Variants in TNS1 observed in about 807,000 individuals in gnomAD.
TNS1 encodes the protein tensin 1.
A neutral mutation model predicts 168.6 loss-of-function variants in TNS1; 62 were observed. The ratio of observed to expected loss-of-function variants is 0.37; its 90% CI spans 0.30 to 0.45. The LOEUF (loss-of-function observed/expected upper bound fraction) is 0.45. TNS1 is among the 20% of genes least tolerant of loss of function. TNS1 has a pLI of 1.00. For missense variants in TNS1, 2,240 were observed against 2,339.4 expected (o/e 0.96, Z 0.88); for synonymous variants, 934 against 933.2 (o/e 1.00, Z -0.02).
chr2:217,979,090 C>A (rs1207862478), intron 2 of TNS1, among the ~76,000 whole-genome samples: 1 of 152,042 alleles, frequency 6.6e-6, no homozygotes, highest in African/African-American at 2.4e-5. Context: ...AGGGGGGGGT[C>A]CCCCACTGGA....
intron 19 of TNS1, among the ~76,000 whole-genome samples, chr2:217,837,820 G>A (rs1190998349): frequency 1.3e-5 from 2 of 152,200 alleles, no homozygotes; most frequent in African/African-American, 2.4e-5. Flanking sequence ...ACCCAGCCAG[G>A]GGCTGCCAGG....
At chr2:217,983,402 C>T (rs556088271) in intron 2 of TNS1, among the ~76,000 whole-genome samples, 80 of 152,318 alleles carry the variant, frequency 5.3e-4, no homozygotes, top group African/African-American at 1.9e-3. Flanking sequence ...AGCCCTATCT[C>T]TGCCCACGAT....
Position 217,990,945 on chromosome 2 carries a change from T to C in TNS1, c.145A>G (p.Lys49Glu). The C allele has an allele frequency of 1.5e-6, 1 of 668,288 alleles. No homozygotes were observed. The highest frequency in any genetic ancestry group is 2.8e-6 in the Non-Finnish European group (1 of 362,130). 41.4% of individuals were successfully genotyped at this position (668,288 alleles called of 1,614,324 possible). ...CACAGCCCAGACCGCTGCTCACCTT[T>C]GCAGGTGCAGCCTTCCTGGGTGATG... ...QVITQEGCTC[K>E]VCSFSCHRKC... is the part of the protein sequence containing the mutation. The change falls in exon 2 of 33, where the codon AAA becomes GAA. Residue 49 changes from lysine to glutamate, a missense_variant. Lys to Glu is a moderately conservative substitution (Grantham distance 56). Coordinates refer to ENST00000682258, the MANE Select transcript of TNS1 (RefSeq NM_001387777.1).
chr2:217,885,117 G>A lies in TNS1; in HGVS notation c.1164C>T (p.Ile388=). Residue 388 remains isoleucine (I), a synonymous_variant, in exon 16 of 33, where the codon ATC becomes ATT. Coordinates refer to ENST00000682258, the MANE Select transcript of TNS1 (RefSeq NM_001387777.1). The part of the protein sequence containing the change: ...KKFRSPARDV[I]FRVQFHTCAI... ...CACAGGTGTGGAACTGCACACGGAA[G>A]ATGACGTCTCGGGCTGGGCTTCGGA... 1 of 1,614,246 alleles carries A rather than the reference G, an allele frequency of 6.2e-7. No individual in the cohort carries two copies. Among genetic ancestry groups the A allele is most frequent in the South Asian group, 1.1e-5 (1 of 91,086 alleles).
At position 217,847,897 on chromosome 2, in the gene TNS1, G is replaced by A. The variant is rs759990832; in HGVS notation, c.2620C>T (p.Leu874Phe). Residue 874 changes from leucine to phenylalanine, a missense_variant, in exon 19 of 33, where the codon CTC (leucine) becomes TTC (phenylalanine). Physicochemically the swap from Leu to Phe is conservative, Grantham distance 22. This residue lies in a region of TNS1 where 2,131 missense variants were observed against 2,171.2 expected (regional missense o/e 0.98). Transcript: ENST00000682258. ...TGGGACTGACGGGAGGATCCAGAGA[G>A]GGGCTGGGAGGAGAGTGGAGAAGCC... is the stretch of plus-strand genomic sequence containing the variant. ...PGASPLSSQP[L>F]SGSSRQSHPL... 5.2e-6 allele frequency: 8 copies of A among 1,543,942 alleles called. No individual in the cohort carries two copies. The highest frequency in any genetic ancestry group is 1.2e-5 in the South Asian group (1 of 80,382).
chr2:217,818,504 G>A lies in TNS1; in HGVS notation c.3828C>T (p.His1276=). The A allele has an allele frequency of 1.9e-6, 3 of 1,614,250 alleles. No individual in the cohort carries two copies. In the South Asian group the frequency reaches 3.3e-5, roughly 18 times the overall value. Reference sequence around the variant, plus strand: ...GCGCCTGAGGGCTCCCAGGCACCGTGTGGACGCCAGCCACACTGAACTGAG... The same window carrying A: ...GCGCCTGAGGGCTCCCAGGCACCGTATGGACGCCAGCCACACTGAACTGAG... ...ARAQFSVAGV[H]TVPGSPQARH... Residue 1276 remains histidine (H), a synonymous_variant, in exon 24 of 33, where the codon CAC becomes CAT. Transcript: ENST00000682258.
intron 2 of TNS1, among the ~76,000 whole-genome samples, chr2:217,988,859 G>A (rs550920333): frequency 6.6e-6 from 1 of 152,284 alleles, no homozygotes; most frequent in Non-Finnish European, 1.5e-5. Flanking sequence ...TCTGTAAAAC[G>A]GGGATGACAC....
intron 3 of TNS1, among the ~76,000 whole-genome samples, chr2:217,978,549 C>G (rs1356185735): frequency 6.6e-6 from 1 of 151,546 alleles, no homozygotes; most frequent in Admixed American, 6.6e-5. Context: ...ACCCAGATCC[C>G]CCGATTCCCC....
chr2:217,914,650 C>T (rs1430287048), intron 4 of TNS1, among the ~76,000 whole-genome samples: 1 of 152,112 alleles, frequency 6.6e-6, no homozygotes, highest in Non-Finnish European at 1.5e-5. Context: ...CACGCCCAGC[C>T]AATTTTTGTA....
At chr2:217,921,810 A>G (rs1032887060) in intron 3 of TNS1, among the ~76,000 whole-genome samples, 3 of 152,160 alleles carry the variant, frequency 2.0e-5, no homozygotes, top group Admixed American at 2.0e-4. Context: ...TAAATGCTTT[A>G]CCTCTGTTAA....
intron 3 of TNS1, among the ~76,000 whole-genome samples, chr2:217,952,696 G>A (rs1399325692): frequency 6.6e-6 from 1 of 152,192 alleles, no homozygotes; most frequent in African/African-American, 2.4e-5. Context: ...AAGGTGGCTG[G>A]AGGGACTGGC....
chr2:217,957,261 T>C (rs145833257), intron 3 of TNS1, among the ~76,000 whole-genome samples: 108 of 152,200 alleles, frequency 7.1e-4, no homozygotes, highest in African/African-American at 2.5e-3. Context: ...ATTTATGAGA[T>C]GAGGTATCCA....
intron 3 of TNS1, among the ~76,000 whole-genome samples, chr2:217,965,675 G>T (rs1957607979): frequency 1.3e-5 from 2 of 152,178 alleles, no homozygotes; most frequent in South Asian, 4.1e-4. Context: ...GCAAGGAGCT[G>T]CTACTCACCA....
In TNS1 at chr2:217,883,194, TGATTA is replaced by T. The variant is rs1443303699; in HGVS notation, c.1247-788_1247-784del. Among the ~76,000 whole-genome samples, 7 of 152,358 alleles carry T rather than the reference TGATTA, an allele frequency of 4.6e-5. No individual in the cohort carries two copies. The East Asian group carries it at 5.8e-4, about 13-fold the overall frequency. Reference sequence around the variant, plus strand: ...CCCCTACTTCCTGTCTTCTTAAATCTGATTAGATTATTGTTTTTATTTATGCTATT... The same window carrying T: ...CCCCTACTTCCTGTCTTCTTAAATCTGATTATTGTTTTTATTTATGCTATT... On this transcript the variant is annotated intron_variant, in intron 16 of 32. Transcript: ENST00000682258.
At chr2:217,988,604 T>G (rs1958262891) in intron 2 of TNS1, among the ~76,000 whole-genome samples, 1 of 152,148 alleles carries the variant, frequency 6.6e-6, no homozygotes, top group Non-Finnish European at 1.5e-5. Flanking sequence ...GCAAACAAAA[T>G]GCAAAACTTC....
chr2:217,987,449 T>A (rs185644874), intron 2 of TNS1, among the ~76,000 whole-genome samples: 2 of 152,312 alleles, frequency 1.3e-5, no homozygotes, highest in East Asian at 3.9e-4. Context: ...CAGGTTCCTT[T>A]CCTCTCTTTC....
intron 18 of TNS1, among the ~76,000 whole-genome samples, chr2:217,856,087 A>G (rs1574833468): frequency 2.6e-5 from 4 of 152,306 alleles, no homozygotes; most frequent in South Asian, 4.1e-4. Flanking sequence ...CCAAGATACA[A>G]CATATGCATC....
chr2:217,883,961 C>A (rs1950925960), intron 16 of TNS1, among the ~76,000 whole-genome samples: 2 of 152,192 alleles, frequency 1.3e-5, no homozygotes, highest in African/African-American at 4.8e-5. Context: ...ACCTATCATG[C>A]TTGTGCGTGT....
At chr2:217,891,330 G>T (rs1241812521) in intron 11 of TNS1, among the ~76,000 whole-genome samples, 1 of 152,144 alleles carries the variant, frequency 6.6e-6, no homozygotes, top group South Asian at 2.1e-4. Context: ...CCCGTGTCCT[G>T]GTACAAGTTC....
Sources: gnomAD v4.1 joint callset for allele counts (sites outside exome capture counted in the v4.1 genomes callset) on GRCh38, gnomAD v4.1.1 for gene constraint, gnomAD v4.1.1 regional missense constraint, MANE v1.5 for transcripts, NCBI Gene and HGNC (gene_info 2026-07-23, HGNC 2026-07-21) for gene names.